Variants in CNTNAP2 observed in about 807,000 individuals in gnomAD.
CNTNAP2 encodes contactin-associated protein-like 2.
CNTNAP2 carries 98 observed loss-of-function variants against 155.2 expected under a neutral mutation model. The observed-to-expected ratio is 0.63, with a 90% CI of 0.54 to 0.75. CNTNAP2 has a LOEUF of 0.75. Ranked by LOEUF, CNTNAP2 falls within the 30% of genes least tolerant of loss-of-function variation. CNTNAP2 has a pLI of 0.00. For synonymous variants in CNTNAP2, 651 were observed against 631.2 expected, an observed-to-expected ratio of 1.03 and a Z score of -0.47; for missense variants, 1,727 against 1,688.1, an observed-to-expected ratio of 1.02 and a Z score of -0.40.
At chr7:146,464,187 GTTTTTTT>G (rs369508603) in intron 1 of CNTNAP2, among the ~76,000 whole-genome samples, 4 of 91,544 alleles carry the variant, frequency 4.4e-5, no homozygotes, top group East Asian at 3.3e-4. Flanking sequence ...CTTTGAAACT[GTTTTTTT>G]TTTTTTTTTT....
chr7:147,593,273 A>G (rs1800773249), intron 12 of CNTNAP2, among the ~76,000 whole-genome samples: 1 of 149,072 alleles, frequency 6.7e-6, no homozygotes, highest in Non-Finnish European at 1.5e-5. Flanking sequence ...GTGGAGGTTC[A>G]GAGATGGAAG....
chr7:146,633,984 C>G (rs985637233), intron 1 of CNTNAP2, among the ~76,000 whole-genome samples: 1 of 151,996 alleles, frequency 6.6e-6, no homozygotes, highest in African/African-American at 2.4e-5. Context: ...GTGATTGATC[C>G]AGTAGGAAGA....
intron 11 of CNTNAP2, among the ~76,000 whole-genome samples, chr7:147,542,300 G>GC (rs1799654433): frequency 9.7e-6 from 1 of 103,100 alleles, no homozygotes; most frequent in African/African-American, 3.7e-5. Context: ...TTGTTCAGTG[G>GC]TAAAAAAAAA....
chr7:147,578,265 G>A lies in CNTNAP2; in HGVS notation c.1897+16008G>A, dbSNP rs552289523. ...GATTAGAAAGAAGTTGGCTTTGCAG[G>A]AGATTGGTTGATAAAACAACTGATA... On this transcript the variant is annotated intron_variant, in intron 12 of 23. Transcript: ENST00000361727. Among the ~76,000 whole-genome samples the A allele has an allele frequency of 2.6e-5, 4 of 152,222 alleles. No individual in the cohort carries two copies. In the East Asian group the frequency reaches 7.7e-4, roughly 29 times the overall value.
chr7:147,690,899 C>A (rs142311429), intron 13 of CNTNAP2, among the ~76,000 whole-genome samples: 2,505 of 152,162 alleles, frequency 0.016, 224 homozygotes, highest in Admixed American at 0.15. Flanking sequence ...ATACTTCCCC[C>A]TACTCTGCCT....
intron 11 of CNTNAP2, among the ~76,000 whole-genome samples, chr7:147,494,764 C>T (rs4725740): frequency 6.6e-5 from 10 of 151,696 alleles, no homozygotes; most frequent in African/African-American, 9.7e-5. Flanking sequence ...AGATAAGGAA[C>T]GGAGCTTCAG....
chr7:147,813,103 A>G (rs985583400), intron 13 of CNTNAP2, among the ~76,000 whole-genome samples: 1 of 151,282 alleles, frequency 6.6e-6, no homozygotes, highest in African/African-American at 2.4e-5. Context: ...AAATAGTTTC[A>G]AATCATTTCA....
At chr7:147,852,812 G>A (rs920187164) in intron 13 of CNTNAP2, among the ~76,000 whole-genome samples, 3 of 152,110 alleles carry the variant, frequency 2.0e-5, no homozygotes, top group Non-Finnish European at 4.4e-5. Context: ...TATTTTATGA[G>A]ACTACGGATC....
chr7:146,483,282 A>ATATATATAT (rs1554439529), intron 1 of CNTNAP2, among the ~76,000 whole-genome samples: 6 of 39,878 alleles, frequency 1.5e-4, no homozygotes, highest in Non-Finnish European at 2.5e-4. Flanking sequence ...TCTAAAAAAA[A>ATATATATAT]ATATATATAT....
intron 3 of CNTNAP2, among the ~76,000 whole-genome samples, chr7:146,847,077 A>G (rs1306632320): frequency 7.0e-6 from 1 of 142,882 alleles, no homozygotes; most frequent in Non-Finnish European, 1.5e-5. Flanking sequence ...TATCGTGTCA[A>G]GGTTGGATTT....
At chr7:147,084,515 G>T (rs1026780759) in intron 4 of CNTNAP2, among the ~76,000 whole-genome samples, 1 of 138,570 alleles carries the variant, frequency 7.2e-6, no homozygotes, top group Admixed American at 7.6e-5. Flanking sequence ...GCTCTATATT[G>T]TATATACATA....
At position 146,897,442 on chromosome 7, in the gene CNTNAP2, A is replaced by G. The variant is rs560345633; in HGVS notation, c.402+57538A>G. Among the ~76,000 whole-genome samples the G allele has an allele frequency of 2.0e-5, 3 of 152,076 alleles. No individual in the cohort carries two copies. In the East Asian group the frequency reaches 5.8e-4, roughly 29 times the overall value. On this transcript the variant is annotated intron_variant, in intron 3 of 23. Coordinates refer to ENST00000361727, the MANE Select transcript of CNTNAP2 (RefSeq NM_014141.6). ...GGTCAGTAATTTAAAATATTTTAAG[A>G]CTCTAGGCCAAACAAAGCTCTTTAT... is the stretch of plus-strand genomic sequence containing the variant.
intron 19 of CNTNAP2, among the ~76,000 whole-genome samples, chr7:148,219,609 A>T (rs1170240355): frequency 6.6e-6 from 1 of 152,214 alleles, no homozygotes; most frequent in Non-Finnish European, 1.5e-5. Context: ...AGGCAGGATG[A>T]TTGCTTGAGG....
In CNTNAP2 at chr7:146,298,675, T is replaced by G. The variant is rs139437455; in HGVS notation, c.97+181702T>G. ...ATCTGCCTCTGAACGTTCGATCCACTGTGAATATGTTTGAAGCATGTTTTT... is the reference window on the plus strand; with the variant it reads ...ATCTGCCTCTGAACGTTCGATCCACGGTGAATATGTTTGAAGCATGTTTTT... On this transcript the variant is annotated intron_variant, in intron 1 of 23. Transcript: ENST00000361727. Among the ~76,000 whole-genome samples the G allele has an allele frequency of 1.5e-3, 233 of 152,334 alleles. 1 individual carries two copies. The highest frequency in any genetic ancestry group is 5.2e-3 in the African/African-American group (216 of 41,580).
intron 15 of CNTNAP2, among the ~76,000 whole-genome samples, chr7:148,060,681 A>C (rs1172687570): frequency 6.6e-6 from 1 of 152,222 alleles, no homozygotes; most frequent in Non-Finnish European, 1.5e-5. Flanking sequence ...ACAAGGTAAA[A>C]TCAGCTCACT....
chr7:147,168,796 C>A (rs746696073), intron 8 of CNTNAP2, among the ~76,000 whole-genome samples: 3 of 152,004 alleles, frequency 2.0e-5, no homozygotes, highest in African/African-American at 7.2e-5. Flanking sequence ...CTACTGCAAA[C>A]AAATAATAAG....
chr7:146,847,944 G>A (rs763327264), intron 3 of CNTNAP2, among the ~76,000 whole-genome samples: 1 of 152,088 alleles, frequency 6.6e-6, no homozygotes, highest in Non-Finnish European at 1.5e-5. Context: ...CGTTAACTTC[G>A]GAAAGAAATA....
intron 3 of CNTNAP2, among the ~76,000 whole-genome samples, chr7:147,007,882 A>G (rs996961267): frequency 2.0e-5 from 3 of 152,176 alleles, no homozygotes; most frequent in African/African-American, 7.2e-5. Flanking sequence ...TTTTGACATA[A>G]TAAAATACAC....
chr7:147,956,300 C>CA (rs11302995), intron 14 of CNTNAP2, among the ~76,000 whole-genome samples: 38 of 139,276 alleles, frequency 2.7e-4, no homozygotes, highest in African/African-American at 7.4e-4. Flanking sequence ...TGGCAGGGGG[C>CA]AAAAAAAAAA....
Sources: gnomAD v4.1 joint callset for allele counts (sites outside exome capture counted in the v4.1 genomes callset) on GRCh38, gnomAD v4.1.1 for gene constraint, MANE v1.5 for transcripts, NCBI Gene and HGNC (gene_info 2026-07-23, HGNC 2026-07-21) for gene names.